MPZL1: variants seen among roughly 807,000 people sequenced by gnomAD.
MPZL1 encodes the protein myelin protein zero like 1, also known as myelin protein zero-like protein 1.
MPZL1 carries 16 observed loss-of-function variants against 29.3 expected under a neutral mutation model. The observed-to-expected ratio is 0.55, with a 90% CI of 0.37 to 0.83. MPZL1 has a LOEUF of 0.83. MPZL1 is among the 40% of genes least tolerant of loss of function. MPZL1 has a pLI of 0.00. For missense variants in MPZL1, 279 were observed against 332.9 expected (o/e 0.84, Z 1.26); for synonymous variants, 143 against 132.0 (o/e 1.08, Z -0.57).
At chr1:167,743,939 C>T (rs970217548) in intron 1 of MPZL1, among the ~76,000 whole-genome samples, 1 of 151,948 alleles carries the variant, frequency 6.6e-6, no homozygotes, top group Non-Finnish European at 1.5e-5. Flanking sequence ...ACTTCCAATA[C>T]TTTGTTGAAG....
intron 1 of MPZL1, among the ~76,000 whole-genome samples, chr1:167,740,862 A>G (rs978346182): frequency 4.6e-5 from 7 of 152,214 alleles, no homozygotes; most frequent in African/African-American, 1.7e-4. Context: ...TGCTCAAGCT[A>G]GAAACCCAGG....
In MPZL1 at chr1:167,765,608, A is replaced by C. The variant is rs200435022; in HGVS notation, c.117A>C (p.Glu39Asp). 2 of 1,612,224 alleles carry C rather than the reference A, an allele frequency of 1.2e-6. No homozygotes were observed. Among genetic ancestry groups the C allele is most frequent in the East Asian group, 4.5e-5 (2 of 44,806 alleles). The change falls in exon 2 of 6, where the codon GAA becomes GAC. Residue 39 changes from glutamate to aspartate, a missense_variant. Glu to Asp is a conservative substitution (Grantham distance 45). Coordinates refer to ENST00000359523, the MANE Select transcript of MPZL1 (RefSeq NM_003953.6). ...TGACAGCTGGAGTATCAGCCTTGGA[A>C]GTATATACGCCAAAAGAAATCTTCG... ...GLLTAGVSAL[E>D]VYTPKEIFVA...
chr1:167,727,933 A>G (rs1375915678), intron 1 of MPZL1, among the ~76,000 whole-genome samples: 2 of 101,834 alleles, frequency 2.0e-5, no homozygotes, highest in Non-Finnish European at 4.0e-5. Context: ...CAGTGGTGCA[A>G]CCTCGGCTCA....
chr1:167,785,599 GCAGT>G (rs1309469446), intron 5 of MPZL1, among the ~76,000 whole-genome samples: 4 of 152,322 alleles, frequency 2.6e-5, no homozygotes, highest in South Asian at 4.1e-4. Flanking sequence ...AGCCATTTGT[GCAGT>G]CAGTCACACA....
At chr1:167,739,296 T>C (rs867045318) in intron 1 of MPZL1, among the ~76,000 whole-genome samples, 25 of 113,564 alleles carry the variant, frequency 2.2e-4, no homozygotes, top group African/African-American at 1.3e-3. Flanking sequence ...TATATATATA[T>C]ATATATATAT....
rs964651462 is a variant in MPZL1, at chr1:167,789,632, T to A, written c.*1711T>A. On this transcript the variant is annotated 3_prime_UTR_variant, in exon 6 of 6. Coordinates refer to ENST00000359523, the MANE Select transcript of MPZL1 (RefSeq NM_003953.6). ...TTTGTTTTTTGAGGAGCTATTTTTGTTATTCTTGTAACGCTCCACCTTACA... is the reference window on the plus strand; with the variant it reads ...TTTGTTTTTTGAGGAGCTATTTTTGATATTCTTGTAACGCTCCACCTTACA... The A allele has an allele frequency of 6.6e-6, 1 of 152,220 alleles. No homozygotes were observed. Among genetic ancestry groups the A allele is most frequent in the African/African-American group, 2.4e-5 (1 of 41,456 alleles). 9.4% of individuals were successfully genotyped at this position (152,220 alleles called of 1,614,324 possible). A position where few individuals can be genotyped will look rare whatever the true frequency, so the allele number is the denominator to read the frequency against.
At position 167,790,586 on chromosome 1, in the gene MPZL1, A is replaced by AAG. The variant is rs541380648; in HGVS notation, c.*2666_*2667dup. 389 of 152,312 alleles carry AAG rather than the reference A, an allele frequency of 2.6e-3. 1 individual carries two copies. Among genetic ancestry groups the AAG allele is most frequent in the African/African-American group, 8.9e-3 (371 of 41,564 alleles). The allele number at this position is 152,312 out of a possible 1,614,324, so 9.4% of individuals were successfully genotyped here. On this transcript the variant is annotated 3_prime_UTR_variant, in exon 6 of 6. Coordinates refer to ENST00000359523, the MANE Select transcript of MPZL1 (RefSeq NM_003953.6). ...GCAGATAACGAACTAAGGTTGCCTA[A>AAG]AGGGCAGATCTGCCCTCTCCATGTC... is the stretch of plus-strand genomic sequence containing the variant.
intron 1 of MPZL1, among the ~76,000 whole-genome samples, chr1:167,745,424 C>T (rs761847362): frequency 1.7e-4 from 26 of 151,984 alleles, no homozygotes; most frequent in Non-Finnish European, 2.8e-4. Flanking sequence ...TTTTTGGAAC[C>T]TTGAACACAG....
intron 1 of MPZL1, among the ~76,000 whole-genome samples, chr1:167,726,184 A>G (rs1165087659): frequency 2.6e-5 from 4 of 151,538 alleles, no homozygotes; most frequent in Non-Finnish European, 5.9e-5. Context: ...ACTCATTCCC[A>G]CCTCCTAGCC....
chr1:167,769,399 T>G (rs1055664228), intron 2 of MPZL1, among the ~76,000 whole-genome samples: 4 of 152,202 alleles, frequency 2.6e-5, no homozygotes, highest in African/African-American at 9.7e-5. Context: ...TTCTGCCCCT[T>G]GTAAGAGAAT....
intron 5 of MPZL1, among the ~76,000 whole-genome samples, chr1:167,779,912 A>G (rs1227879358): frequency 6.6e-6 from 1 of 152,224 alleles, no homozygotes; most frequent in Non-Finnish European, 1.5e-5. Flanking sequence ...GTAAATGCGG[A>G]TGGTAATAAT....
At chr1:167,780,420 G>A (rs1428958531) in intron 5 of MPZL1, among the ~76,000 whole-genome samples, 1 of 152,128 alleles carries the variant, frequency 6.6e-6, no homozygotes. Flanking sequence ...TGAAAGCAGA[G>A]TCTTGAAGAG....
intron 1 of MPZL1, among the ~76,000 whole-genome samples, chr1:167,737,005 C>A (rs558864482): frequency 6.6e-6 from 1 of 152,322 alleles, no homozygotes; most frequent in East Asian, 1.9e-4. Flanking sequence ...TTTCACTCTT[C>A]TGATTACCCT....
intron 2 of MPZL1, among the ~76,000 whole-genome samples, chr1:167,767,446 G>A (rs766042793): frequency 5.9e-5 from 9 of 152,312 alleles, no homozygotes; most frequent in South Asian, 2.1e-4. Flanking sequence ...CAGTCTTGTC[G>A]TGTAGGTCCA....
Position 167,791,030 on chromosome 1 carries a change from CA to C in MPZL1, c.*3112del, listed in dbSNP as rs1163507379. On this transcript the variant is annotated 3_prime_UTR_variant, in exon 6 of 6. Transcript: ENST00000359523. The stretch of plus-strand genomic sequence containing the variant: ...CTCTGACTTCCTTTAAGCCTCTGCT[CA>C]AATGTTACCTCCTCAGGGAGACCTT... 1 of 152,222 alleles carries C rather than the reference CA, an allele frequency of 6.6e-6. No individual in the cohort carries two copies. The highest frequency in any genetic ancestry group is 1.5e-5 in the Non-Finnish European group (1 of 68,078). 9.4% of individuals were successfully genotyped at this position (152,222 alleles called of 1,614,324 possible). A position where few individuals can be genotyped will look rare whatever the true frequency, so the allele number is the denominator to read the frequency against.
At chr1:167,786,603 G>A (rs16859664) in intron 5 of MPZL1, among the ~76,000 whole-genome samples, 11,063 of 152,146 alleles carry the variant, frequency 0.073, 573 homozygotes, top group African/African-American at 0.14. Flanking sequence ...TTCTAACTCC[G>A]CTTTTAGATG....
At chr1:167,776,322 G>T (rs1286924026) in intron 5 of MPZL1, among the ~76,000 whole-genome samples, 156 bp downstream of exon 5, 1 of 152,152 alleles carries the variant, frequency 6.6e-6, no homozygotes, top group Admixed American at 6.5e-5. Context: ...GAATTAAAGG[G>T]CTGGCCTAGG....
intron 4 of MPZL1, chr1:167,774,762 T>C (rs918185699): frequency 3.9e-5 from 6 of 152,236 alleles, no homozygotes; most frequent in African/African-American, 1.4e-4. Flanking sequence ...CTGCTTATCT[T>C]CCACTTCTTA....
intron 1 of MPZL1, among the ~76,000 whole-genome samples, chr1:167,762,793 T>G (rs185493123): frequency 6.6e-6 from 1 of 152,160 alleles, no homozygotes; most frequent in Non-Finnish European, 1.5e-5. Flanking sequence ...AGACTAGGGT[T>G]TTAGAAGGTT....
Sources: allele counts gnomAD v4.1 joint callset (sites outside exome capture counted in the v4.1 genomes callset), GRCh38; gene constraint gnomAD v4.1.1; transcripts MANE v1.5; gene names NCBI Gene and HGNC (gene_info 2026-07-23, HGNC 2026-07-21).